The following LARGE1 variants were observed in gnomAD, a reference collection of about 807,000 sequenced individuals.
The protein encoded by LARGE1 is xylosyl- and glucuronyltransferase LARGE1.
In LARGE1, 43 loss-of-function variants were observed where a neutral mutation model predicts 87.6. That is an observed-to-expected ratio of 0.49 (90% CI 0.38 to 0.63). The LOEUF is 0.63. Ranked by LOEUF, LARGE1 falls within the 30% of genes least tolerant of loss-of-function variation. LARGE1 has a pLI of 0.00. For missense variants in LARGE1, 802 were observed against 1,000.2 expected (o/e 0.80, Z 2.67); for synonymous variants, 434 against 394.6 (o/e 1.10, Z -1.18).
At chr22:33,658,384 A>G (rs1197733693) in intron 2 of LARGE1, among the ~76,000 whole-genome samples, 1 of 152,196 alleles carries the variant, frequency 6.6e-6, no homozygotes, top group Admixed American at 6.5e-5. Context: ...AGATCAACCC[A>G]TCACTTAGCT....
intron 1 of LARGE1, among the ~76,000 whole-genome samples, chr22:33,892,702 G>A (rs2283957): frequency 0.39 from 58,798 of 152,132 alleles, 13,505 homozygotes; most frequent in East Asian, 0.85. Context: ...CAGCCACTGT[G>A]AATTCTAAAG....
At chr22:33,488,622 A>G (rs748168976) in intron 6 of LARGE1, among the ~76,000 whole-genome samples, 1 of 152,230 alleles carries the variant, frequency 6.6e-6, no homozygotes, top group Non-Finnish European at 1.5e-5. Flanking sequence ...GTAAAGATAA[A>G]AATAAAGACA....
chr22:33,560,597 A>G (rs1305435235), intron 6 of LARGE1, among the ~76,000 whole-genome samples: 1 of 152,128 alleles, frequency 6.6e-6, no homozygotes, highest in African/African-American at 2.4e-5. Flanking sequence ...CAACAATCAC[A>G]TATTATTTCC....
At chr22:33,350,637 C>T (rs1450967082) in intron 9 of LARGE1, among the ~76,000 whole-genome samples, 2 of 152,148 alleles carry the variant, frequency 1.3e-5, no homozygotes, top group South Asian at 2.1e-4. Flanking sequence ...GGGTGGGCAC[C>T]GTAGGATTCG....
intron 2 of LARGE1, among the ~76,000 whole-genome samples, chr22:33,760,290 T>C (rs955804638): frequency 1.3e-5 from 2 of 152,224 alleles, no homozygotes; most frequent in Non-Finnish European, 2.9e-5. Context: ...GCACTGTATT[T>C]GAAACGGCTG....
rs148998960 is a variant in LARGE1, at chr22:33,838,789, C to A, written c.-82-77231G>T. ...ATGATGTTCATCTCCCTCACTCCCC[C>A]AAAGGCTCCTGGGTCTCCCTGATTG... On this transcript the variant is annotated intron_variant, in intron 1 of 14. Transcript: ENST00000397394. Among the ~76,000 whole-genome samples the A allele has an allele frequency of 4.7e-3, 717 of 152,260 alleles. 7 individuals carry two copies. The highest frequency in any genetic ancestry group is 0.017 in the African/African-American group (698 of 41,552).
chr22:33,267,845 C>A (rs991103971), downstream of LARGE1, among the ~76,000 whole-genome samples: 1 of 151,506 alleles, frequency 6.6e-6, no homozygotes, highest in African/African-American at 2.4e-5. Context: ...GGAAAGGAAC[C>A]AAGTCACTTA....
intron 9 of LARGE1, among the ~76,000 whole-genome samples, chr22:33,366,549 T>C (rs960388450): frequency 1.3e-5 from 2 of 152,224 alleles, no homozygotes; most frequent in African/African-American, 4.8e-5. Context: ...GGCAATGATA[T>C]ATTATCTATT....
chr22:33,308,917 AT>A (rs767992462), intron 11 of LARGE1, among the ~76,000 whole-genome samples: 4 of 152,220 alleles, frequency 2.6e-5, no homozygotes, highest in Non-Finnish European at 4.4e-5. Context: ...AAAGCTAGAT[AT>A]ACAGCAGGTA....
intron 1 of LARGE1, among the ~76,000 whole-genome samples, chr22:33,800,529 C>A (rs2086128521): frequency 6.6e-6 from 1 of 152,154 alleles, no homozygotes; most frequent in Non-Finnish European, 1.5e-5. Context: ...CCTGAAGAAA[C>A]TCCATTATGC....
chr22:33,898,453 C>G (rs1200439864), intron 1 of LARGE1, among the ~76,000 whole-genome samples: 2 of 152,336 alleles, frequency 1.3e-5, no homozygotes, highest in Non-Finnish European at 1.5e-5. Context: ...AAGATCATTA[C>G]AAGATTCTTC....
intron 1 of LARGE1, among the ~76,000 whole-genome samples, chr22:33,885,306 T>C (rs2064813839): frequency 6.6e-6 from 1 of 152,340 alleles, no homozygotes; most frequent in Admixed American, 6.5e-5. Context: ...ATATCTTAGC[T>C]GACCCTCTGC....
In LARGE1 at chr22:33,843,597, C is replaced by G. The variant is rs1424840963; in HGVS notation, c.-83+76398G>C. Among the ~76,000 whole-genome samples, 10 of 152,120 alleles carry G rather than the reference C, an allele frequency of 6.6e-5. No individual in the cohort carries two copies. In the South Asian group the frequency reaches 2.1e-3, roughly 32 times the overall value. ...AACCCTCTAGCAGTCCCACCACCAT[C>G]CTCTCCAGAGGTCCCACCCCTGCCC... On this transcript the variant is annotated intron_variant, in intron 1 of 14. Coordinates refer to ENST00000397394, the MANE Select transcript of LARGE1 (RefSeq NM_133642.5).
chr22:33,525,558 A>C (rs1191312465), intron 6 of LARGE1, among the ~76,000 whole-genome samples: 1 of 152,194 alleles, frequency 6.6e-6, no homozygotes, highest in African/African-American at 2.4e-5. Flanking sequence ...ATGAAAATGT[A>C]TCTATTAAAT....
intron 11 of LARGE1, among the ~76,000 whole-genome samples, chr22:33,249,450 A>G (rs1213736558): frequency 6.6e-6 from 1 of 152,130 alleles, no homozygotes; most frequent in African/African-American, 2.4e-5. Context: ...GTTCCTTATC[A>G]GATGTGTCTT....
chr22:33,185,676 G>A (rs941072698), intron 11 of LARGE1, among the ~76,000 whole-genome samples: 2 of 152,172 alleles, frequency 1.3e-5, no homozygotes, highest in African/African-American at 4.8e-5. Flanking sequence ...AGAACTCTCT[G>A]TAATTCCACT....
chr22:33,652,185 A>G (rs1336330045), intron 2 of LARGE1, among the ~76,000 whole-genome samples: 1 of 152,056 alleles, frequency 6.6e-6, no homozygotes, highest in East Asian at 1.9e-4. Flanking sequence ...AAAACAAAAA[A>G]CAAAAACAAA....
At chr22:33,251,273 C>T (rs1568990019) in intron 11 of LARGE1, among the ~76,000 whole-genome samples, 2 of 152,174 alleles carry the variant, frequency 1.3e-5, no homozygotes, top group African/African-American at 2.4e-5. Flanking sequence ...TTAAGAAAGA[C>T]GTGCCTCTTC....
intron 6 of LARGE1, among the ~76,000 whole-genome samples, chr22:33,433,292 G>A (rs193068179): frequency 1.1e-4 from 16 of 152,142 alleles, no homozygotes; most frequent in East Asian, 3.9e-4. Context: ...ATCAATCCAC[G>A]TTTTGTAGAA....
Sources: gnomAD v4.1 joint callset for allele counts (sites outside exome capture counted in the v4.1 genomes callset) on GRCh38, gnomAD v4.1.1 for gene constraint, MANE v1.5 for transcripts, NCBI Gene and HGNC (gene_info 2026-07-23, HGNC 2026-07-21) for gene names.